Variants in PLD5 observed in about 807,000 individuals in gnomAD.
The protein encoded by PLD5 is inactive phospholipase D5.
In PLD5, 36 loss-of-function variants were observed where a neutral mutation model predicts 61.1. That is an observed-to-expected ratio of 0.59 (90% CI 0.45 to 0.78). The LOEUF (loss-of-function observed/expected upper bound fraction) is 0.78. Ranked by LOEUF, PLD5 falls within the 30% of genes least tolerant of loss-of-function variation. The pLI is 0.00. For synonymous variants in PLD5, 243 were observed against 242.8 expected, an observed-to-expected ratio of 1.00 and a Z score of -0.01; for missense variants, 515 against 644.4, an observed-to-expected ratio of 0.80 and a Z score of 2.17.
intron 1 of PLD5, among the ~76,000 whole-genome samples, chr1:242,390,080 GCGCCA>G (rs1662840806): frequency 2.2e-5 from 1 of 46,154 alleles, no homozygotes; most frequent in African/African-American, 7.1e-5. Flanking sequence ...GAGTGCAGTG[GCGCCA>G]TCTCACTTTG....
chr1:242,372,479 T>C (rs1006059398), intron 1 of PLD5, among the ~76,000 whole-genome samples: 2 of 152,172 alleles, frequency 1.3e-5, no homozygotes, highest in Admixed American at 6.6e-5. Context: ...GAGCCCGCAT[T>C]GCCAAGTCAA....
chr1:242,135,736 C>A lies in PLD5; in HGVS notation c.736-11071G>T, dbSNP rs183135487. Among the ~76,000 whole-genome samples, 7 of 152,240 alleles carry A rather than the reference C, an allele frequency of 4.6e-5. No homozygotes were observed. In the East Asian group the frequency reaches 1.2e-3, roughly 25 times the overall value. On this transcript the variant is annotated intron_variant, in intron 5 of 9. Coordinates refer to ENST00000536534, the MANE Select transcript of PLD5 (RefSeq NM_001372062.1). Reference sequence around the variant, plus strand: ...TCTCAGTTCATATTGTAACTTGGTCCTCCTTATCTCCATCATGACTTTGAG... The same window carrying A: ...TCTCAGTTCATATTGTAACTTGGTCATCCTTATCTCCATCATGACTTTGAG...
chr1:242,176,708 A>C (rs1667172592), intron 5 of PLD5, among the ~76,000 whole-genome samples: 1 of 152,246 alleles, frequency 6.6e-6, no homozygotes, highest in African/African-American at 2.4e-5. Flanking sequence ...AATATCCAGC[A>C]TCTACAAAGA....
intron 2 of PLD5, among the ~76,000 whole-genome samples, chr1:242,333,163 A>G (rs1659292851): frequency 6.6e-6 from 1 of 152,210 alleles, no homozygotes. Context: ...GGAGCTGTTC[A>G]GGCAGCAGGG....
At chr1:242,154,822 T>C (rs1336324988) in intron 5 of PLD5, among the ~76,000 whole-genome samples, 1 of 152,174 alleles carries the variant, frequency 6.6e-6, no homozygotes, top group Non-Finnish European at 1.5e-5. Flanking sequence ...TTGTTTTGTC[T>C]CTGTCAGGTT....
intron 4 of PLD5, among the ~76,000 whole-genome samples, chr1:242,227,787 G>A (rs1185413338): frequency 6.6e-6 from 1 of 152,132 alleles, no homozygotes; most frequent in Non-Finnish European, 1.5e-5. Flanking sequence ...TGCTTTTTAG[G>A]ACATGACTGT....
chr1:242,399,285 G>A (rs958693413), intron 1 of PLD5, among the ~76,000 whole-genome samples: 5 of 152,182 alleles, frequency 3.3e-5, no homozygotes, highest in East Asian at 1.9e-4. Flanking sequence ...TTTTCTCAGC[G>A]TGAGTAGAGA....
At chr1:242,399,859 T>C (rs756505454) in intron 1 of PLD5, among the ~76,000 whole-genome samples, 2 of 152,070 alleles carry the variant, frequency 1.3e-5, no homozygotes, top group Non-Finnish European at 2.9e-5. Context: ...GCGAGGGATC[T>C]AGGCTGCGTG....
Position 242,100,769 on chromosome 1 carries a change from A to G in PLD5, c.1253T>C (p.Leu418Pro). ...TGTAGCACAAGCATTCTCTCTTTCC[A>G]GATCAAAAAATTTCTGTAAGAAAAA... is the stretch of plus-strand genomic sequence containing the variant. The part of the protein sequence containing the change: ...NCSLKVKFFD[L>P]ERENACATKE... Residue 418 changes from leucine to proline, a missense_variant, in exon 9 of 10, where the codon CTG becomes CCG. Leu to Pro is a moderately conservative substitution (Grantham distance 98). Transcript: ENST00000536534. 1 of 1,611,636 alleles carries G rather than the reference A, an allele frequency of 6.2e-7. No individual in the cohort carries two copies.
At chr1:242,232,960 G>A (rs1374627364) in intron 4 of PLD5, among the ~76,000 whole-genome samples, 1 of 152,176 alleles carries the variant, frequency 6.6e-6, no homozygotes, top group African/African-American at 2.4e-5. Flanking sequence ...TTCGAGACCA[G>A]CCTGGCCAAT....
At position 242,346,019 on chromosome 1, in the gene PLD5, C is replaced by A. The variant is rs1413809088; in HGVS notation, c.326+2087G>T. Among the ~76,000 whole-genome samples the A allele has an allele frequency of 1.7e-4, 17 of 100,658 alleles. 1 individual carries two copies. Among genetic ancestry groups the A allele is most frequent in the South Asian group, 1.4e-3 (3 of 2,074 alleles). 66.0% of individuals were successfully genotyped at this position (100,658 alleles called of 152,430 possible). ...GTATGTTTCAGAAAAGATCTCCCCC[C>A]CCCCCATATATACAACCATATATCA... On this transcript the variant is annotated intron_variant, in intron 2 of 9. Coordinates refer to ENST00000536534, the MANE Select transcript of PLD5 (RefSeq NM_001372062.1).
chr1:242,141,965 C>T (rs1201174701), intron 5 of PLD5, among the ~76,000 whole-genome samples: 2 of 152,208 alleles, frequency 1.3e-5, no homozygotes, highest in East Asian at 1.9e-4. Flanking sequence ...ACATCTATTT[C>T]ACATCCCATT....
chr1:242,440,088 G>C (rs983784404), intron 1 of PLD5, among the ~76,000 whole-genome samples: 1 of 152,134 alleles, frequency 6.6e-6, no homozygotes, highest in Non-Finnish European at 1.5e-5. Context: ...GGGGATAAAT[G>C]GAGCTCCTGT....
chr1:242,318,863 G>T (rs1172842742), intron 2 of PLD5, among the ~76,000 whole-genome samples: 2 of 152,088 alleles, frequency 1.3e-5, no homozygotes, highest in Non-Finnish European at 2.9e-5. Flanking sequence ...AGGGAAGAAA[G>T]GGATGGAGAA....
chr1:242,135,578 A>G (rs1003879473), intron 5 of PLD5, among the ~76,000 whole-genome samples: 1 of 152,222 alleles, frequency 6.6e-6, no homozygotes, highest in African/African-American at 2.4e-5. Context: ...AAACAAATGC[A>G]GAGAGGCCTC....
intron 2 of PLD5, among the ~76,000 whole-genome samples, chr1:242,341,194 TTTGGG>T (rs1351103442): frequency 2.2e-4 from 33 of 151,288 alleles, no homozygotes; most frequent in African/African-American, 7.5e-4. Context: ...GTAGTGACAA[TTTGGG>T]CATTAAAAGG....
chr1:242,191,561 G>C (rs961013687), intron 5 of PLD5, among the ~76,000 whole-genome samples: 7 of 152,004 alleles, frequency 4.6e-5, no homozygotes, highest in African/African-American at 1.7e-4. Context: ...ACTCCAGCCT[G>C]GGCAATGGAG....
intron 5 of PLD5, among the ~76,000 whole-genome samples, chr1:242,197,680 G>A (rs959059823): frequency 1.3e-4 from 20 of 150,744 alleles, no homozygotes; most frequent in Admixed American, 1.3e-4. Context: ...TGTCCCCCAG[G>A]CTGGAATGCA....
rs374256541 is a variant in PLD5 at position 242,459,772 on chromosome 1, A to T, written c.189+64316T>A. On this transcript the variant is annotated intron_variant, in intron 1 of 9. Coordinates refer to ENST00000536534, the MANE Select transcript of PLD5 (RefSeq NM_001372062.1). ...GTCAGGGAGGTTTCACATCACCAAGATTCCTATCCCAGAAAAGCAGATGTT... is the reference window on the plus strand; with the variant it reads ...GTCAGGGAGGTTTCACATCACCAAGTTTCCTATCCCAGAAAAGCAGATGTT... 3.9e-4 allele frequency among the ~76,000 whole-genome samples: 59 copies of T among 152,290 alleles called. No homozygotes were observed. The East Asian group carries it at 9.9e-3, about 25-fold the overall frequency.
Sources: allele counts gnomAD v4.1 joint callset (sites outside exome capture counted in the v4.1 genomes callset), GRCh38; gene constraint gnomAD v4.1.1; transcripts MANE v1.5; gene names NCBI Gene and HGNC (gene_info 2026-07-23, HGNC 2026-07-21).